Variants in ZNF516 observed in about 807,000 individuals in gnomAD.
ZNF516 encodes zinc finger protein 516.
A neutral mutation model predicts 79.7 loss-of-function variants in ZNF516; 19 were observed. The observed-to-expected ratio is 0.24, with a 90% CI of 0.17 to 0.35. The LOEUF (loss-of-function observed/expected upper bound fraction) is 0.35. ZNF516 is among the 10% of genes least tolerant of loss of function. The probability of loss-of-function intolerance (pLI) is 1.00; values close to 1 mark genes in which losing one functional copy is unlikely to be tolerated. For synonymous variants in ZNF516, 877 were observed against 739.5 expected, an observed-to-expected ratio of 1.19 and a Z score of -3.02; for missense variants, 1,678 against 1,679.5, an observed-to-expected ratio of 1.00 and a Z score of 0.02.
chr18:76,478,177 G>C (rs9945370), intron 1 of ZNF516, among the ~76,000 whole-genome samples: 1 of 152,004 alleles, frequency 6.6e-6, no homozygotes, highest in Non-Finnish European at 1.5e-5. Context: ...GATTCATAAA[G>C]AGAGTGACAA....
chr18:76,439,898 A>G (rs535623820), intron 3 of ZNF516, among the ~76,000 whole-genome samples: 1 of 152,296 alleles, frequency 6.6e-6, no homozygotes, highest in African/African-American at 2.4e-5. Flanking sequence ...TAAACTTAAA[A>G]GAAGTCAACC....
chr18:76,440,323 A>G lies in ZNF516; in HGVS notation c.1810+922T>C, dbSNP rs148250089. On this transcript the variant is annotated intron_variant, in intron 3 of 6. Transcript: ENST00000443185. ...CAGCACAGCAGTCATCTTCTTCACC[A>G]CAGAATATAAACAGCCCTGCCCCGG... Among the ~76,000 whole-genome samples, 8 of 152,350 alleles carry G rather than the reference A, an allele frequency of 5.3e-5. No individual in the cohort carries two copies. The East Asian group carries it at 1.5e-3, about 29-fold the overall frequency.
chr18:76,366,922 A>G (rs1436920988), intron 6 of ZNF516, among the ~76,000 whole-genome samples: 1 of 152,212 alleles, frequency 6.6e-6, no homozygotes, highest in Non-Finnish European at 1.5e-5. Flanking sequence ...AGATTATATT[A>G]TCTGGGTCTC....
intron 1 of ZNF516, among the ~76,000 whole-genome samples, chr18:76,472,883 CTA>C (rs1913928636): frequency 6.6e-6 from 1 of 152,168 alleles, no homozygotes; most frequent in African/African-American, 2.4e-5. Context: ...GAAATAAAAA[CTA>C]TGTCATGTAA....
chr18:76,493,028 C>T lies in ZNF516; in HGVS notation c.-272+2116G>A, dbSNP rs375656569. On this transcript the variant is annotated intron_variant, in intron 1 of 6. Transcript: ENST00000443185. This position sits in a 1 kb window ranked among gnomAD's most constrained non-coding sequence, Gnocchi z 5.2. ...AAATTACCTCCGGGATGGAGAAAGC[C>T]GCTGCGGATTGGCCAGCAGAGCCGT... 2.0e-6 allele frequency: 2 copies of T among 985,530 alleles called. No individual in the cohort carries two copies. The highest frequency in any genetic ancestry group is 1.2e-6 in the Non-Finnish European group (1 of 830,044). 61.0% of individuals were successfully genotyped at this position (985,530 alleles called of 1,614,324 possible). A position where few individuals can be genotyped will look rare whatever the true frequency, so the allele number is the denominator to read the frequency against.
chr18:76,480,898 G>C (rs1914488129), intron 1 of ZNF516, among the ~76,000 whole-genome samples: 1 of 152,220 alleles, frequency 6.6e-6, no homozygotes, highest in African/African-American at 2.4e-5. Context: ...GAATGGCATG[G>C]AACTCAAATG....
At chr18:76,473,645 C>CA (rs1462420415) in intron 1 of ZNF516, among the ~76,000 whole-genome samples, 3 of 151,740 alleles carry the variant, frequency 2.0e-5, no homozygotes, top group African/African-American at 7.3e-5. Flanking sequence ...ACTAAAAATA[C>CA]AAAAAATTAT....
chr18:76,376,980 T>C lies in ZNF516; in HGVS notation c.3259+1875A>G, dbSNP rs575324754. The stretch of plus-strand genomic sequence containing the variant: ...GCTTTGGGTTCCAAGAAACCCCACA[T>C]CTCCAGAAGTGAGGCTGGCATCACA... On this transcript the variant is annotated intron_variant, in intron 4 of 6. Coordinates refer to ENST00000443185, the MANE Select transcript of ZNF516 (RefSeq NM_014643.4). Among the ~76,000 whole-genome samples, 14 of 152,280 alleles carry C rather than the reference T, an allele frequency of 9.2e-5. 1 individual carries two copies. The East Asian group carries it at 2.7e-3, about 29-fold the overall frequency.
chr18:76,486,503 T>C (rs555905727), intron 1 of ZNF516, among the ~76,000 whole-genome samples: 2 of 152,306 alleles, frequency 1.3e-5, no homozygotes, highest in East Asian at 1.9e-4. Context: ...ATAGTTTTAA[T>C]AGAGAACCTT....
At chr18:76,395,357 C>T (rs1383804506) in intron 3 of ZNF516, among the ~76,000 whole-genome samples, 1 of 152,092 alleles carries the variant, frequency 6.6e-6, no homozygotes, top group Admixed American at 6.5e-5. Context: ...GCATCTGGCT[C>T]CTGGGAGAGA....
At chr18:76,410,277 A>C (rs1404719396) in intron 3 of ZNF516, among the ~76,000 whole-genome samples, 5 of 152,190 alleles carry the variant, frequency 3.3e-5, no homozygotes, top group African/African-American at 4.8e-5. Flanking sequence ...GTCACAAAAT[A>C]GTGGCAAAAG....
chr18:76,431,536 G>A (rs1244309058), intron 3 of ZNF516, among the ~76,000 whole-genome samples: 5 of 152,192 alleles, frequency 3.3e-5, no homozygotes, highest in Admixed American at 2.0e-4. Flanking sequence ...CTCATGTTGC[G>A]ACCGATTCCC....
chr18:76,391,838 T>C (rs2075078069), intron 3 of ZNF516, among the ~76,000 whole-genome samples: 1 of 152,186 alleles, frequency 6.6e-6, no homozygotes, highest in African/African-American at 2.4e-5. Flanking sequence ...AAGGCTGTTG[T>C]CTCAGCCTCG....
intron 3 of ZNF516, among the ~76,000 whole-genome samples, chr18:76,401,673 C>T (rs929269544): frequency 1.3e-5 from 2 of 151,858 alleles, no homozygotes; most frequent in Non-Finnish European, 2.9e-5. Flanking sequence ...GAGCCCGGAG[C>T]ACAACCGGCC....
rs1031376173 is a variant in ZNF516 at position 76,470,741 on chromosome 18, G to A, written c.-271-7600C>T. Reference sequence around the variant, plus strand: ...TAAAAACAGTGCCACAAGGCTGGGCGCGGTGGCTACCGCCTGTAATCCCAG... The same window carrying A: ...TAAAAACAGTGCCACAAGGCTGGGCACGGTGGCTACCGCCTGTAATCCCAG... On this transcript the variant is annotated intron_variant, in intron 1 of 6. Coordinates refer to ENST00000443185, the MANE Select transcript of ZNF516 (RefSeq NM_014643.4). Among the ~76,000 whole-genome samples the A allele has an allele frequency of 1.4e-4, 22 of 152,170 alleles. 1 individual carries two copies. Among genetic ancestry groups the A allele is most frequent in the Admixed American group, 9.8e-4 (15 of 15,274 alleles).
intron 1 of ZNF516, among the ~76,000 whole-genome samples, chr18:76,476,758 C>T (rs1451716740): frequency 6.6e-6 from 1 of 152,180 alleles, no homozygotes; most frequent in Non-Finnish European, 1.5e-5. Flanking sequence ...TATTGTAATA[C>T]TGAGGTCCCA....
rs780042182 is a variant in ZNF516, at chr18:76,379,314, T to C, written c.2800A>G (p.Thr934Ala). 5.6e-6 allele frequency: 9 copies of C among 1,605,172 alleles called. No individual in the cohort carries two copies. The African/African-American group carries it at 9.4e-5, about 17-fold the overall frequency. Residue 934 changes from threonine to alanine, a missense_variant, in exon 4 of 7, where the codon ACC becomes GCC. By Grantham distance (58) the Thr-to-Ala change is moderately conservative. This residue lies in a region of ZNF516 where 1,294 missense variants were observed against 1,248.3 expected (regional missense o/e 1.04). Transcript: ENST00000443185. The part of the protein sequence containing the change: ...GFSRSATPTP[T>A]VIARAGAQPS... ...TGCGCGCCAGCCCGGGCGATGACGG[T>C]GGGCGTAGGGGTGGCGCTCCTGCTG...
intron 4 of ZNF516, among the ~76,000 whole-genome samples, chr18:76,375,505 AG>A (rs1193946960): frequency 1.3e-5 from 2 of 150,268 alleles, no homozygotes; most frequent in African/African-American, 4.9e-5. Flanking sequence ...CCTGGATACC[AG>A]GTAGAGGATG....
intron 3 of ZNF516, among the ~76,000 whole-genome samples, chr18:76,408,394 G>C (rs2075329795): frequency 6.6e-6 from 1 of 152,186 alleles, no homozygotes; most frequent in South Asian, 2.1e-4. Flanking sequence ...ACACACTTGA[G>C]ACCCTCCGGG....
Sources: allele counts gnomAD v4.1 joint callset (sites outside exome capture counted in the v4.1 genomes callset), GRCh38; gene constraint gnomAD v4.1.1; regional missense constraint gnomAD v4.1.1; non-coding constraint Gnocchi (gnomAD v3.1); transcripts MANE v1.5; gene names NCBI Gene and HGNC (gene_info 2026-07-23, HGNC 2026-07-21).